The following PCDHA3 variants were observed in gnomAD, a reference collection of about 807,000 sequenced individuals.
PCDHA3 encodes protocadherin alpha-3.
PCDHA3 carries 41 observed loss-of-function variants against 62.2 expected under a neutral mutation model. That is an observed-to-expected ratio of 0.66 (90% confidence interval 0.51 to 0.86). The LOEUF is 0.86. PCDHA3 is among the 40% of genes least tolerant of loss of function. The pLI, the probability that PCDHA3 is intolerant of heterozygous loss-of-function variation, is 0.00. For missense variants in PCDHA3, 1,304 were observed against 1,241.2 expected (o/e 1.05, Z -0.76); for synonymous variants, 640 against 555.4 (o/e 1.15, Z -2.14).
intron 1 of PCDHA3, chr5:140,875,267 C>A: frequency 1.7e-6 from 2 of 1,211,108 alleles, no homozygotes; most frequent in Non-Finnish European, 2.2e-6. Context: ...TGTCGCTCTA[C>A]ACTCAGAAGG....
At chr5:140,829,252 C>T (rs1430937328) in intron 1 of PCDHA3, 1 of 1,614,148 alleles carries the variant, frequency 6.2e-7, no homozygotes, top group Non-Finnish European at 8.5e-7. Flanking sequence ...AGGTGAACTG[C>T]TCGCTGACGC....
intron 1 of PCDHA3, among the ~76,000 whole-genome samples, chr5:140,925,028 T>C (rs2082253756): frequency 6.6e-6 from 1 of 151,580 alleles, no homozygotes; most frequent in Admixed American, 6.6e-5. Context: ...GGAGGATCGC[T>C]TGAGCCCAGA....
At position 140,829,584 on chromosome 5, in the gene PCDHA3, G is replaced by C. The variant is rs1198811288; in HGVS notation, c.2394+25993G>C. ...GTGTCCTACTCGCTGGTGGAGCGGC[G>C]GGTGGGCGAGCGCGCGTTGTCGAGC... is the stretch of plus-strand genomic sequence containing the variant. On this transcript the variant is annotated intron_variant, in intron 1 of 3. Transcript: ENST00000522353. The C allele has an allele frequency of 4.3e-6, 7 of 1,612,242 alleles. No homozygotes were observed. In the East Asian group the frequency reaches 1.3e-4, roughly 31 times the overall value.
chr5:140,857,774 G>A (rs554890390), intron 1 of PCDHA3: 8 of 1,597,758 alleles, frequency 5.0e-6, no homozygotes, highest in Admixed American at 1.7e-5. Context: ...GGGCGGTGCA[G>A]TCAGTGAGCT....
chr5:140,858,503 T>C, intron 1 of PCDHA3: 1 of 1,458,120 alleles, frequency 6.9e-7, no homozygotes. Flanking sequence ...CCGCATTTTC[T>C]CAAATATGTA....
Position 141,010,123 on chromosome 5 carries a change from A to G in PCDHA3, c.*186A>G, listed in dbSNP as rs782357783. The G allele has an allele frequency of 3.7e-6, 6 of 1,605,822 alleles. No individual in the cohort carries two copies. In the East Asian group the frequency reaches 1.3e-4, roughly 36 times the overall value. On this transcript the variant is annotated 3_prime_UTR_variant, in exon 4 of 4. Transcript: ENST00000522353. ...AGGTTTTGTCGTAAAAGCTTTACTA[A>G]GTCTGGTGTTAACTCTTTCTCTCCA...
rs151227383 is a variant in PCDHA3 at position 140,808,720 on chromosome 5, T to C, written c.2394+5129T>C. 2.3e-4 allele frequency: 366 copies of C among 1,612,062 alleles called. 1 individual carries two copies. In the African/African-American group the frequency reaches 3.8e-3, roughly 17 times the overall value. The stretch of plus-strand genomic sequence containing the variant: ...CGCTGTCGAGCTACGTTTCGGTGCA[T>C]GCGGAGAGCGGCAAGGTGTACGCGC... On this transcript the variant is annotated intron_variant, in intron 1 of 3. Coordinates refer to ENST00000522353, the MANE Select transcript of PCDHA3 (RefSeq NM_018906.3).
chr5:140,835,777 A>G (rs2150244519), intron 1 of PCDHA3: 1 of 1,613,276 alleles, frequency 6.2e-7, no homozygotes, highest in Admixed American at 1.7e-5. Context: ...GTGTTCGTGA[A>G]GGAGAACAAC....
At chr5:140,966,248 G>C (rs2095985597) in intron 1 of PCDHA3, 2 of 322,664 alleles carry the variant, frequency 6.2e-6, no homozygotes, top group Non-Finnish European at 5.6e-6. Context: ...AAGCAGGGGA[G>C]AGACGGTGGA....
intron 1 of PCDHA3, among the ~76,000 whole-genome samples, chr5:140,894,550 T>C (rs943231588): frequency 3.3e-5 from 5 of 151,996 alleles, no homozygotes; most frequent in Non-Finnish European, 5.9e-5. Context: ...TAGTGTTTAC[T>C]TCTGAAAAAA....
rs17844361 is a variant in PCDHA3, at chr5:140,927,747, C to T, written c.2395-51202C>T. ...AAGCAGAGCTGCGACACCGCTTTCA[C>T]GTGCACCCTAAAAGTGGGGAGGTGC... On this transcript the variant is annotated intron_variant, in intron 1 of 3. Coordinates refer to ENST00000522353, the MANE Select transcript of PCDHA3 (RefSeq NM_018906.3). 465 of 1,614,224 alleles carry T rather than the reference C, an allele frequency of 2.9e-4. No homozygotes were observed. In the East Asian group the frequency reaches 8.6e-3, roughly 30 times the overall value.
At chr5:140,849,920 C>A in intron 1 of PCDHA3, 1 of 1,598,384 alleles carries the variant, frequency 6.3e-7, no homozygotes, top group Non-Finnish European at 8.6e-7. Context: ...GCCACATCTT[C>A]ACGGTGTCTG....
At chr5:140,882,491 C>T (rs782462724) in intron 1 of PCDHA3, 1 of 1,614,078 alleles carries the variant, frequency 6.2e-7, no homozygotes, top group South Asian at 1.1e-5. Flanking sequence ...CGGGGACCTT[C>T]TGGAGGTAAA....
chr5:140,953,963 G>A lies in PCDHA3; in HGVS notation c.2395-24986G>A, dbSNP rs193094168. ...CATTGCTCCCCCAACAGGCCCCAGT[G>A]TGTGTTGTTCCCCTTCATATTTTCA... On this transcript the variant is annotated intron_variant, in intron 1 of 3. Transcript: ENST00000522353. Among the ~76,000 whole-genome samples the A allele has an allele frequency of 2.1e-3, 322 of 152,136 alleles. 11 individuals carry two copies. Among genetic ancestry groups the A allele is most frequent in the Admixed American group, 0.021 (314 of 15,274 alleles).
intron 1 of PCDHA3, among the ~76,000 whole-genome samples, chr5:140,880,574 AGAGAG>A (rs2058389036): frequency 1.3e-5 from 2 of 152,226 alleles, no homozygotes; most frequent in African/African-American, 4.8e-5. Flanking sequence ...GAATTTGAGA[AGAGAG>A]GAAAGAGAAT....
intron 1 of PCDHA3, chr5:140,869,853 C>T: frequency 1.2e-6 from 2 of 1,610,606 alleles, no homozygotes; most frequent in South Asian, 2.2e-5. Flanking sequence ...ATAAGGTGAG[C>T]CTTATGGAAA....
chr5:141,001,694 C>A (rs2098032582), intron 3 of PCDHA3, among the ~76,000 whole-genome samples: 1 of 151,662 alleles, frequency 6.6e-6, no homozygotes, highest in African/African-American at 2.4e-5. Flanking sequence ...CCACAGATGG[C>A]GAAATAGGGG....
intron 1 of PCDHA3, among the ~76,000 whole-genome samples, chr5:140,959,030 G>A (rs1303090530): frequency 6.6e-6 from 1 of 151,776 alleles, no homozygotes; most frequent in African/African-American, 2.4e-5. Flanking sequence ...GCTTTATCAT[G>A]GGTATGTATG....
rs2098421681 is a variant in PCDHA3, at chr5:141,011,735, A to C, written c.*1798A>C. 1 of 153,882 alleles carries C rather than the reference A, an allele frequency of 6.5e-6. No individual in the cohort carries two copies. Among genetic ancestry groups the C allele is most frequent in the South Asian group, 2.1e-4 (1 of 4,828 alleles). 9.5% of individuals were successfully genotyped at this position (153,882 alleles called of 1,614,324 possible). A position where few individuals can be genotyped will look rare whatever the true frequency, so the allele number is the denominator to read the frequency against. ...TATTCCATGAGGGTGTGCAAGCACA[A>C]ATTTTACCAATCTGACCTCTTTGAA... On this transcript the variant is annotated 3_prime_UTR_variant, in exon 4 of 4. Transcript: ENST00000522353.
Sources: gnomAD v4.1 joint callset for allele counts (sites outside exome capture counted in the v4.1 genomes callset) on GRCh38, gnomAD v4.1.1 for gene constraint, MANE v1.5 for transcripts, NCBI Gene and HGNC (gene_info 2026-07-23, HGNC 2026-07-21) for gene names.